ATF7IP: variants seen among roughly 807,000 people sequenced by gnomAD.
The protein encoded by ATF7IP is activating transcription factor 7 interacting protein, also known as activating transcription factor 7-interacting protein 1.
Under a neutral mutation model 106.4 loss-of-function variants are expected in ATF7IP, and 23 were observed. The observed-to-expected ratio is 0.22, with a 90% CI of 0.16 to 0.31. ATF7IP has a LOEUF of 0.31. Ranked by LOEUF, ATF7IP falls within the 10% of genes least tolerant of loss-of-function variation. The pLI is 1.00. For missense variants in ATF7IP, 1,334 were observed against 1,524.3 expected (o/e 0.88, Z 2.08); for synonymous variants, 542 against 539.0 (o/e 1.01, Z -0.08).
rs1160676886 is a variant in ATF7IP, at chr12:14,385,417, C to CTTTTA, written c.-8+19592_-8+19596dup. ...GGACCAGAGGTAAGAACCAATTACT[C>CTTTTA]TTTTATCTTAAACATTCTCATTTTT... is the stretch of plus-strand genomic sequence containing the variant. On this transcript the variant is annotated intron_variant, in intron 1 of 14. Coordinates refer to ENST00000261168, the MANE Select transcript of ATF7IP (RefSeq NM_018179.5). 2.6e-6 allele frequency: 4 copies of CTTTTA among 1,531,294 alleles called. No homozygotes were observed. The Admixed American group carries it at 8.0e-5, about 30-fold the overall frequency. 94.9% of individuals were successfully genotyped at this position (1,531,294 alleles called of 1,614,324 possible).
chr12:14,402,849 C>CA (rs1565484061), intron 1 of ATF7IP, among the ~76,000 whole-genome samples: 1 of 152,128 alleles, frequency 6.6e-6, no homozygotes. Flanking sequence ...CCACCCACCT[C>CA]ACCCTTCCAA....
chr12:14,378,362 T>C (rs941625775), intron 1 of ATF7IP, among the ~76,000 whole-genome samples: 1 of 152,200 alleles, frequency 6.6e-6, no homozygotes, highest in African/African-American at 2.4e-5. Flanking sequence ...CCTCCCAAAG[T>C]GCTGGGATTA....
In ATF7IP at chr12:14,401,157, A is replaced by G. The variant is rs148880203; in HGVS notation, c.-7-22752A>G. On this transcript the variant is annotated intron_variant, in intron 1 of 14. Transcript: ENST00000261168. Reference sequence around the variant, plus strand: ...CTGCTATTTTGATAGATTTTCCACTATTTATTTCAAAATCCATTTCTTCCT... The same window carrying G: ...CTGCTATTTTGATAGATTTTCCACTGTTTATTTCAAAATCCATTTCTTCCT... 7.2e-5 allele frequency among the ~76,000 whole-genome samples: 11 copies of G among 152,016 alleles called. No individual in the cohort carries two copies. In the East Asian group the frequency reaches 1.7e-3, roughly 24 times the overall value.
At chr12:14,435,625 A>G (rs1473651897) in intron 3 of ATF7IP, among the ~76,000 whole-genome samples, 1 of 152,186 alleles carries the variant, frequency 6.6e-6, no homozygotes, top group East Asian at 1.9e-4. Context: ...AAGAATAACT[A>G]TTACTGTGCT....
chr12:14,438,096 T>C, intron 4 of ATF7IP, 34 bp from the exon 5 acceptor site: 1 of 1,599,566 alleles, frequency 6.3e-7, no homozygotes, highest in Non-Finnish European at 8.5e-7. Flanking sequence ...TGGAATGCCT[T>C]CTTGGCATAA....
intron 13 of ATF7IP, among the ~76,000 whole-genome samples, chr12:14,495,062 A>G (rs1207236509): frequency 6.6e-6 from 1 of 152,118 alleles, no homozygotes; most frequent in Non-Finnish European, 1.5e-5. Flanking sequence ...CATCCAGCAC[A>G]GGAAAAAGAT....
chr12:14,399,158 T>C (rs573812788), intron 1 of ATF7IP, among the ~76,000 whole-genome samples: 106 of 152,254 alleles, frequency 7.0e-4, no homozygotes, highest in African/African-American at 2.5e-3. Flanking sequence ...AATTTCTTCA[T>C]AGGTTCTTCT....
intron 13 of ATF7IP, among the ~76,000 whole-genome samples, chr12:14,490,900 A>G (rs1591972544): frequency 6.6e-6 from 1 of 152,174 alleles, no homozygotes; most frequent in East Asian, 1.9e-4. Context: ...CATGATGGTC[A>G]TCTCAGGTGA....
At chr12:14,405,796 G>C (rs551676780) in intron 1 of ATF7IP, among the ~76,000 whole-genome samples, 1 of 152,182 alleles carries the variant, frequency 6.6e-6, no homozygotes, top group South Asian at 2.1e-4. Context: ...TAGAGATCCA[G>C]GGTGAAGTTC....
At chr12:14,483,192 CTGG>C (rs1271320540) in intron 13 of ATF7IP, among the ~76,000 whole-genome samples, 2 of 152,154 alleles carry the variant, frequency 1.3e-5, no homozygotes, top group Non-Finnish European at 2.9e-5. Flanking sequence ...TGGTTTATTC[CTGG>C]TGGAATGACC....
intron 1 of ATF7IP, among the ~76,000 whole-genome samples, chr12:14,366,838 A>G (rs1306671049): frequency 7.2e-6 from 1 of 138,364 alleles, no homozygotes; most frequent in African/African-American, 3.5e-5. Flanking sequence ...ATTAATAAAA[A>G]AAATCTGTTT....
chr12:14,418,513 A>G (rs1941321455), intron 1 of ATF7IP, among the ~76,000 whole-genome samples: 1 of 152,200 alleles, frequency 6.6e-6, no homozygotes, highest in South Asian at 2.1e-4. Context: ...TCTAGGCGAC[A>G]GTACTAAAAT....
At chr12:14,468,101 T>C (rs56153537) in intron 10 of ATF7IP, among the ~76,000 whole-genome samples, 3,032 of 151,652 alleles carry the variant, frequency 0.02, 98 homozygotes, top group African/African-American at 0.07. Context: ...ACCGCAACTC[T>C]ACTAAAAAGA....
chr12:14,438,468 C>T (rs1254809534), intron 5 of ATF7IP, among the ~76,000 whole-genome samples: 1 of 152,186 alleles, frequency 6.6e-6, no homozygotes, highest in Non-Finnish European at 1.5e-5. Flanking sequence ...TATTCTGTCT[C>T]ACAGTTCTGG....
chr12:14,492,458 G>A (rs887667537), intron 13 of ATF7IP, among the ~76,000 whole-genome samples: 1 of 152,156 alleles, frequency 6.6e-6, no homozygotes, highest in Non-Finnish European at 1.5e-5. Context: ...TCAAGGGGAC[G>A]AGGCCTCCCC....
chr12:14,396,221 C>T (rs1210668527), intron 1 of ATF7IP, among the ~76,000 whole-genome samples: 2 of 152,052 alleles, frequency 1.3e-5, no homozygotes, highest in East Asian at 3.9e-4. Context: ...TGCTCTTTCC[C>T]TCCCTCTTTA....
chr12:14,458,754 T>C (rs1943534029), intron 8 of ATF7IP, among the ~76,000 whole-genome samples: 1 of 151,520 alleles, frequency 6.6e-6, no homozygotes, highest in Non-Finnish European at 1.5e-5. Flanking sequence ...GCCCGGGAGG[T>C]GTAGGCTGCT....
intron 13 of ATF7IP, among the ~76,000 whole-genome samples, chr12:14,491,885 A>T (rs111976289): frequency 6.6e-6 from 1 of 152,170 alleles, no homozygotes; most frequent in Admixed American, 6.5e-5. Flanking sequence ...TGTCTTCTGC[A>T]TAGGCCACAT....
intron 14 of ATF7IP, among the ~76,000 whole-genome samples, chr12:14,497,154 A>T (rs1399236439): frequency 6.6e-6 from 1 of 152,162 alleles, no homozygotes; most frequent in African/African-American, 2.4e-5. Flanking sequence ...TTTTCTTGTA[A>T]ATTGGCCAAG....
Sources: gnomAD v4.1 joint callset for allele counts (sites outside exome capture counted in the v4.1 genomes callset) on GRCh38, gnomAD v4.1.1 for gene constraint, MANE v1.5 for transcripts, NCBI Gene and HGNC (gene_info 2026-07-23, HGNC 2026-07-21) for gene names.